C12orf42: variants seen among roughly 807,000 people sequenced by gnomAD.
C12orf42 encodes the protein chromosome 12 open reading frame 42.
C12orf42 carries 25 observed loss-of-function variants against 21.6 expected under a neutral mutation model. That is an observed-to-expected ratio of 1.16 (90% CI 0.84 to 1.62). The LOEUF is 1.62. Among genes scored for constraint, C12orf42 ranks in the 40% most tolerant of loss-of-function variants. The probability of loss-of-function intolerance (pLI) is 0.00; values close to 1 mark genes in which losing one functional copy is unlikely to be tolerated. For synonymous variants in C12orf42, 174 were observed against 175.0 expected (o/e 0.99, Z 0.05); for missense variants, 483 against 459.3 (o/e 1.05, Z -0.47).
chr12:103,257,120 A>G (rs1024486955), intron 10 of C12orf42, among the ~76,000 whole-genome samples: 13 of 152,350 alleles, frequency 8.5e-5, no homozygotes, highest in Non-Finnish European at 8.8e-5. Flanking sequence ...CAAATACTGC[A>G]TATTCTCACT....
At chr12:103,164,393 T>C in the C12orf42 span, 1 of 456,054 alleles carries the variant, frequency 2.2e-6, no homozygotes. Context: ...TTTCTTCTTC[T>C]TGGCAGCAGC....
chr12:103,360,912 GA>G (rs1221187828), intron 4 of C12orf42, among the ~76,000 whole-genome samples: 1 of 152,114 alleles, frequency 6.6e-6, no homozygotes, highest in Non-Finnish European at 1.5e-5. Flanking sequence ...GAAGTTGTAA[GA>G]AAAATGAATG....
intron 4 of C12orf42, among the ~76,000 whole-genome samples, chr12:103,296,011 CA>C (rs753661731): frequency 1.2e-4 from 13 of 105,656 alleles, no homozygotes; most frequent in African/African-American, 2.3e-4. Flanking sequence ...TATCCCTCCC[CA>C]CTCCCCCCAC....
At chr12:103,436,539 A>G (rs1950731152) in intron 2 of C12orf42, among the ~76,000 whole-genome samples, 2 of 151,160 alleles carry the variant, frequency 1.3e-5, no homozygotes, top group South Asian at 4.3e-4. Flanking sequence ...TAGGCTCAAA[A>G]TAAAAGGATG....
At chr12:103,468,806 A>G (rs563560754) in intron 2 of C12orf42, among the ~76,000 whole-genome samples, 13 of 152,324 alleles carry the variant, frequency 8.5e-5, no homozygotes, top group Admixed American at 7.2e-4. Context: ...AGAACTAACA[A>G]GTGAATCTTA....
At chr12:103,184,741 G>T in the C12orf42 span, among the ~76,000 whole-genome samples, 3 of 113,108 alleles carry the variant, frequency 2.7e-5, no homozygotes, top group South Asian at 3.0e-4. Flanking sequence ...ATATGTTAAA[G>T]TTCTCACCCC....
the C12orf42 span, among the ~76,000 whole-genome samples, chr12:103,555,843 C>T: frequency 1.1e-4 from 16 of 152,044 alleles, no homozygotes; most frequent in Non-Finnish European, 1.9e-4. Flanking sequence ...TGGTTAATCC[C>T]CTCTCCTGCC....
intron 5 of C12orf42, among the ~76,000 whole-genome samples, chr12:103,303,551 G>C (rs957473671): frequency 6.6e-6 from 1 of 152,126 alleles, no homozygotes; most frequent in African/African-American, 2.4e-5. Flanking sequence ...GAGCAACTCA[G>C]ATCATTCCAA....
the C12orf42 span, among the ~76,000 whole-genome samples, chr12:103,070,413 A>G: frequency 3.3e-5 from 5 of 151,900 alleles, no homozygotes; most frequent in African/African-American, 1.2e-4. Context: ...TAGAAAGGAG[A>G]GCCTTTCATC....
At chr12:103,076,239 A>C in the C12orf42 span, among the ~76,000 whole-genome samples, 1 of 152,034 alleles carries the variant, frequency 6.6e-6, no homozygotes, top group Non-Finnish European at 1.5e-5. Flanking sequence ...TAATGATAAT[A>C]ATAATAATAA....
chr12:103,198,357 T>C, the C12orf42 span, among the ~76,000 whole-genome samples: 1 of 152,124 alleles, frequency 6.6e-6, no homozygotes, highest in Non-Finnish European at 1.5e-5. Context: ...TGCACTGCAA[T>C]TGAGCTCAGC....
At chr12:103,217,008 C>T in the C12orf42 span, among the ~76,000 whole-genome samples, 55 of 151,738 alleles carry the variant, frequency 3.6e-4, no homozygotes, top group African/African-American at 1.3e-3. Flanking sequence ...ACCCCTGGCT[C>T]ATTTTTGTAT....
At chr12:103,279,562 T>C (rs2035978402) in intron 4 of C12orf42, among the ~76,000 whole-genome samples, 1 of 152,196 alleles carries the variant, frequency 6.6e-6, no homozygotes, top group South Asian at 2.1e-4. Flanking sequence ...GAACTCACCT[T>C]CCACACATGC....
Position 103,484,863 on chromosome 12 carries a change from G to GTTT in C12orf42, c.-21-6419_-21-6417dup, listed in dbSNP as rs56025837. On this transcript the variant is annotated intron_variant, in intron 1 of 5. Transcript: ENST00000548883. ...GGTGTAAGGAAGGGATCTGGTTTCAGTTTTTTTTTTTTTTTTTTTTTTTTG... is the reference window on the plus strand; with the variant it reads ...GGTGTAAGGAAGGGATCTGGTTTCAGTTTTTTTTTTTTTTTTTTTTTTTTTTTG... 0.014 allele frequency among the ~76,000 whole-genome samples: 980 copies of GTTT among 71,678 alleles called. 94 individuals carry two copies. In the East Asian group the frequency reaches 0.23, roughly 17 times the overall value. The allele number at this position is 71,678 out of a possible 152,430, so 47.0% of individuals were successfully genotyped here. A position where few individuals can be genotyped will look rare whatever the true frequency, so the allele number is the denominator to read the frequency against.
At chr12:103,372,645 A>T (rs1235367618) in intron 3 of C12orf42, among the ~76,000 whole-genome samples, 1 of 152,092 alleles carries the variant, frequency 6.6e-6, no homozygotes, top group Non-Finnish European at 1.5e-5. Context: ...TTTCTATGGT[A>T]TAGGAGGCTG....
intron 2 of C12orf42, among the ~76,000 whole-genome samples, chr12:103,413,836 T>C (rs1412431826): frequency 6.6e-6 from 1 of 152,210 alleles, no homozygotes; most frequent in Non-Finnish European, 1.5e-5. Flanking sequence ...GGCTGAGTAG[T>C]ATTCCATGGT....
chr12:103,328,886 T>A (rs770405969), intron 4 of C12orf42, among the ~76,000 whole-genome samples: 1 of 152,206 alleles, frequency 6.6e-6, no homozygotes, highest in Non-Finnish European at 1.5e-5. Context: ...TTCTTGAACA[T>A]TTCTGAATTT....
rs1245700043 is a variant in C12orf42 at position 103,282,987 on chromosome 12, AT to A, written n.338-5778del. ...AACTACTGTCAGAGGCAAATGACAC[AT>A]GCACACACACACAAAGGGAAACCAG... On this transcript the variant is annotated intron_variant and non_coding_transcript_variant, in intron 4 of 6. Transcript: ENST00000546526. 3.9e-5 allele frequency among the ~76,000 whole-genome samples: 6 copies of A among 152,362 alleles called. No homozygotes were observed. In the East Asian group the frequency reaches 7.7e-4, roughly 20 times the overall value.
the C12orf42 span, among the ~76,000 whole-genome samples, chr12:103,159,735 C>CATTGTCCCA: frequency 1.4e-4 from 22 of 152,208 alleles, no homozygotes; most frequent in African/African-American, 5.3e-4. Context: ...CCATTTGTCC[C>CATTGTCCCA]TATGTTCATG....
Sources: gnomAD v4.1 joint callset for allele counts (sites outside exome capture counted in the v4.1 genomes callset) on GRCh38, gnomAD v4.1.1 for gene constraint, MANE v1.5 for transcripts, NCBI Gene and HGNC (gene_info 2026-07-23, HGNC 2026-07-21) for gene names.